Variants in CKAP5 observed in about 807,000 individuals in gnomAD.
The protein encoded by CKAP5 is cytoskeleton associated protein 5, also known as cytoskeleton-associated protein 5.
In CKAP5, 27 loss-of-function variants were observed where a neutral mutation model predicts 232.8. That is an observed-to-expected ratio of 0.12 (90% confidence interval 0.09 to 0.16). CKAP5 has a LOEUF of 0.16. Ranked by LOEUF, CKAP5 falls within the 10% of genes least tolerant of loss-of-function variation. The pLI is 1.00. For synonymous variants in CKAP5, 785 were observed against 841.1 expected (o/e 0.93, Z 1.16); for missense variants, 1,838 against 2,424.7 (o/e 0.76, Z 5.08).
At chr11:46,767,549 C>T (rs1212361638) in intron 27 of CKAP5, 26 bp downstream of exon 27, 2 of 1,440,606 alleles carry the variant, frequency 1.4e-6, no homozygotes, top group Non-Finnish European at 1.9e-6. Context: ...AGCAAGTCTA[C>T]ATCGAAGTAT....
In CKAP5 at chr11:46,765,730, C is replaced by CA. The variant is rs1326062584; in HGVS notation, c.3412-475dup. Among the ~76,000 whole-genome samples, 6 of 151,094 alleles carry CA rather than the reference C, an allele frequency of 4.0e-5. No individual in the cohort carries two copies. The East Asian group carries it at 9.8e-4, about 25-fold the overall frequency. On this transcript the variant is annotated intron_variant, in intron 27 of 43. Coordinates refer to ENST00000529230, the MANE Select transcript of CKAP5 (RefSeq NM_001008938.4). ...AGTGATTCTCCTGACTCAGCCTCCT[C>CA]AGTAGGTGGGACCAAAGGCGCCCAC...
intron 9 of CKAP5, among the ~76,000 whole-genome samples, chr11:46,800,891 G>A (rs2134656056): frequency 6.6e-6 from 1 of 152,196 alleles, no homozygotes; most frequent in East Asian, 1.9e-4. Context: ...GTTATGATGT[G>A]TATAATGTTG....
intron 1 of CKAP5, among the ~76,000 whole-genome samples, chr11:46,824,710 T>C (rs531610127): frequency 4.1e-4 from 63 of 152,350 alleles, no homozygotes; most frequent in Non-Finnish European, 8.1e-4. Flanking sequence ...TAAAACCATT[T>C]GGAAGTTTCT....
At chr11:46,792,259 C>A (rs1327513983) in intron 13 of CKAP5, among the ~76,000 whole-genome samples, 1 of 152,002 alleles carries the variant, frequency 6.6e-6, no homozygotes, top group African/African-American at 2.4e-5. Context: ...TATTAATTGA[C>A]AGATTTATCG....
intron 27 of CKAP5, among the ~76,000 whole-genome samples, chr11:46,766,333 C>G (rs1392970521): frequency 6.6e-6 from 1 of 152,140 alleles, no homozygotes; most frequent in African/African-American, 2.4e-5. Context: ...GCAAAACACT[C>G]GTGATCTAAA....
rs1174739786 is a variant in CKAP5 at position 46,808,139 on chromosome 11, T to G, written c.870A>C (p.Ala290=). The change falls in exon 8 of 44, where the codon GCA becomes GCC. Residue 290 remains alanine (A), a synonymous_variant. Coordinates refer to ENST00000529230, the MANE Select transcript of CKAP5 (RefSeq NM_001008938.4). ...LPKDFYDKIE[A]KKWQERKEAL... is the part of the protein sequence containing the mutation. ...CCTCTTTTCTCTCTTGCCATTTTTT[T>G]GCCTCCTGCAAGATACAATATGAGT... The G allele has an allele frequency of 1.2e-6, 2 of 1,610,570 alleles. No individual in the cohort carries two copies. The highest frequency in any genetic ancestry group is 1.7e-6 in the Non-Finnish European group (2 of 1,177,510).
At chr11:46,805,576 T>A (rs1402450340) in intron 8 of CKAP5, among the ~76,000 whole-genome samples, 2 of 152,212 alleles carry the variant, frequency 1.3e-5, no homozygotes, top group Non-Finnish European at 2.9e-5. Context: ...CCCACTTTTG[T>A]TATGTTTCTA....
At chr11:46,805,222 G>A (rs940572052) in intron 8 of CKAP5, among the ~76,000 whole-genome samples, 1 of 151,794 alleles carries the variant, frequency 6.6e-6, no homozygotes, top group African/African-American at 2.4e-5. Context: ...GTGACAAAGC[G>A]CAACTCTGTC....
chr11:46,804,661 G>A (rs1939112494), intron 8 of CKAP5, among the ~76,000 whole-genome samples: 2 of 152,160 alleles, frequency 1.3e-5, no homozygotes, highest in African/African-American at 2.4e-5. Context: ...ACCGTTGACA[G>A]AGGAAAGGAA....
intron 13 of CKAP5, among the ~76,000 whole-genome samples, chr11:46,792,457 G>A (rs1157858592): frequency 1.3e-5 from 2 of 152,042 alleles, no homozygotes; most frequent in African/African-American, 2.4e-5. Flanking sequence ...GGAGGCTGAG[G>A]CAGGAGAATC....
intron 6 of CKAP5, 118 bp downstream of exon 6, chr11:46,809,624 A>G (rs1592473105): frequency 7.3e-7 from 1 of 1,375,294 alleles, no homozygotes; most frequent in Non-Finnish European, 1.0e-6. Flanking sequence ...TTAAAGCTAC[A>G]TGCAACTTAT....
In CKAP5 at chr11:46,759,301, G is replaced by A. The variant is rs754168428; in HGVS notation, c.4536C>T (p.Asp1512=). 1 of 1,613,882 alleles carries A rather than the reference G, an allele frequency of 6.2e-7. No homozygotes were observed. Among genetic ancestry groups the A allele is most frequent in the Non-Finnish European group, 8.5e-7 (1 of 1,179,954 alleles). ...CAGGAATAAGGACTGGCTCAAAAATGTCATCCAGTTTGTGCTGAACAAGTT... is the reference window on the plus strand; with the variant it reads ...CAGGAATAAGGACTGGCTCAAAAATATCATCCAGTTTGTGCTGAACAAGTT... The part of the protein sequence containing the change: ...MPELVQHKLD[D]IFEPVLIPEP... Residue 1512 remains aspartate (D), a synonymous_variant, in exon 34 of 44, where the codon GAC becomes GAT. Coordinates refer to ENST00000529230, the MANE Select transcript of CKAP5 (RefSeq NM_001008938.4).
At chr11:46,839,340 C>G (rs1012420632) in intron 1 of CKAP5, among the ~76,000 whole-genome samples, 1 of 152,166 alleles carries the variant, frequency 6.6e-6, no homozygotes, top group South Asian at 2.1e-4. Context: ...GAGTTATACA[C>G]ATCAAGTAGG....
intron 1 of CKAP5, among the ~76,000 whole-genome samples, chr11:46,842,635 G>T (rs1940082405): frequency 6.6e-6 from 1 of 152,190 alleles, no homozygotes; most frequent in Non-Finnish European, 1.5e-5. Flanking sequence ...AGGGCAAATG[G>T]ATTCAACCCG....
At chr11:46,776,456 T>C in intron 23 of CKAP5, 73 bp from the exon 24 acceptor site, 1 of 1,295,584 alleles carries the variant, frequency 7.7e-7, no homozygotes, top group Non-Finnish European at 1.0e-6. Context: ...ACTGTTGCTT[T>C]ATGAACATGA....
chr11:46,758,879 T>C lies in CKAP5; in HGVS notation c.4689+44A>G, dbSNP rs2065132582. On this transcript the variant is annotated intron_variant, in intron 35 of 43. Coordinates refer to ENST00000529230, the MANE Select transcript of CKAP5 (RefSeq NM_001008938.4). ...TGCAATTCATCACATTTATAGCCTC[T>C]ATGTCCACCAATGGAATCCCTGTCA... is the stretch of plus-strand genomic sequence containing the variant. 3.1e-6 allele frequency: 5 copies of C among 1,608,936 alleles called. No homozygotes were observed. In the South Asian group the frequency reaches 4.4e-5, roughly 14 times the overall value.
At chr11:46,808,638 C>T (rs1212301110) in intron 7 of CKAP5, among the ~76,000 whole-genome samples, 2 of 152,170 alleles carry the variant, frequency 1.3e-5, no homozygotes, top group Non-Finnish European at 2.9e-5. Context: ...AAAGTATTTT[C>T]ATAAGATGTT....
chr11:46,815,675 C>T (rs769999999), intron 4 of CKAP5, among the ~76,000 whole-genome samples: 14 of 152,194 alleles, frequency 9.2e-5, no homozygotes, highest in Non-Finnish European at 1.6e-4. Context: ...GATAAAATAA[C>T]TACACAACAC....
chr11:46,747,972 A>G (rs1240271756), intron 42 of CKAP5, among the ~76,000 whole-genome samples: 1 of 152,080 alleles, frequency 6.6e-6, no homozygotes, highest in Admixed American at 6.6e-5. Context: ...AGGCAGGAGG[A>G]CTGCTTGAAC....
Sources: allele counts gnomAD v4.1 joint callset (sites outside exome capture counted in the v4.1 genomes callset), GRCh38; gene constraint gnomAD v4.1.1; transcripts MANE v1.5; gene names NCBI Gene and HGNC (gene_info 2026-07-23, HGNC 2026-07-21).